Variants in EPB41L4B observed in about 807,000 individuals in gnomAD.
EPB41L4B encodes the protein band 4.1-like protein 4B.
In EPB41L4B, 30 loss-of-function variants were observed where a neutral mutation model predicts 112.5. That is an observed-to-expected ratio of 0.27 (90% confidence interval 0.20 to 0.36). The LOEUF is 0.36. EPB41L4B is among the 10% of genes least tolerant of loss of function. EPB41L4B has a pLI of 1.00. For missense variants in EPB41L4B, 1,024 were observed against 1,133.3 expected (o/e 0.90, Z 1.38); for synonymous variants, 408 against 439.7 (o/e 0.93, Z 0.90).
In EPB41L4B at chr9:109,203,746, T is replaced by C; in HGVS notation, c.1879-16A>G. 6.2e-7 allele frequency: 1 copy of C among 1,608,532 alleles called. No individual in the cohort carries two copies. Among genetic ancestry groups the C allele is most frequent in the South Asian group, 1.1e-5 (1 of 90,848 alleles). On this transcript the variant is annotated splice_polypyrimidine_tract_variant and intron_variant, in intron 18 of 25. Transcript: ENST00000374566. ...CCTTTCCACCCTGTTAAAGAAAGCA[T>C]TCAGGTTAGTCAAAACTGAATATGT...
At chr9:109,256,368 T>C in intron 8 of EPB41L4B, 25 bp downstream of exon 8, 2 of 1,609,200 alleles carry the variant, frequency 1.2e-6, no homozygotes, top group Non-Finnish European at 1.7e-6. Context: ...CAAAACCAAA[T>C]TACTTAAACG....
Position 109,273,352 on chromosome 9 carries a change from T to C in EPB41L4B, c.412-4919A>G, listed in dbSNP as rs139133184. Among the ~76,000 whole-genome samples, 1,145 of 152,200 alleles carry C rather than the reference T, an allele frequency of 7.5e-3. 12 individuals are homozygous for C. The highest frequency in any genetic ancestry group is 0.026 in the African/African-American group (1,091 of 41,522). On this transcript the variant is annotated intron_variant, in intron 2 of 25. Coordinates refer to ENST00000374566, the MANE Select transcript of EPB41L4B (RefSeq NM_019114.5). ...ACCTCTGCCTCCTGGGTTCAAGTGA[T>C]TCTCCTGCCTCGGCCTCCCGAGTAG...
At position 109,251,557 on chromosome 9, in the gene EPB41L4B, CG is replaced by C. The variant is rs751129061; in HGVS notation, c.1280-47del. 1.9e-6 allele frequency: 3 copies of C among 1,567,864 alleles called. No homozygotes were observed. In the East Asian group the frequency reaches 6.7e-5, roughly 35 times the overall value. ...GTTATGACATCTTAGAGAACTTTAT[CG>C]CTTTCACCATGCAATGACAGATAAT... is the stretch of plus-strand genomic sequence containing the variant. On this transcript the variant is annotated intron_variant, in intron 12 of 25. Transcript: ENST00000374566.
rs370417079 is a variant in EPB41L4B at position 109,218,415 on chromosome 9, C to T, written c.1410-1270G>A. Among the ~76,000 whole-genome samples, 6 of 152,158 alleles carry T rather than the reference C, an allele frequency of 3.9e-5. No homozygotes were observed. The South Asian group carries it at 6.2e-4, about 16-fold the overall frequency. On this transcript the variant is annotated intron_variant, in intron 15 of 25. Transcript: ENST00000374566. ...TGCTGGGATTACAGGCATGAACCAC[C>T]GCACCCAGCCTAACACTAATAATTC... is the stretch of plus-strand genomic sequence containing the variant.
At chr9:109,265,059 CTCTT>C (rs1564304727) in intron 4 of EPB41L4B, 35 bp from the exon 5 acceptor site, 1 of 1,580,710 alleles carries the variant, frequency 6.3e-7, no homozygotes. Context: ...CAGAGGGTAA[CTCTT>C]TCCCAGCTGC....
intron 15 of EPB41L4B, among the ~76,000 whole-genome samples, chr9:109,236,149 G>T (rs980044557): frequency 6.6e-6 from 1 of 152,168 alleles, no homozygotes; most frequent in African/African-American, 2.4e-5. Flanking sequence ...TGCTTAGACT[G>T]GTGTATACAC....
In EPB41L4B at chr9:109,174,336, T is replaced by A. The variant is rs1202011389; in HGVS notation, c.*218A>T. 1.4e-5 allele frequency: 7 copies of A among 488,870 alleles called. No homozygotes were observed. The highest frequency in any genetic ancestry group is 2.2e-5 in the Non-Finnish European group (6 of 270,718). The allele number at this position is 488,870 out of a possible 1,614,324, so 30.3% of individuals were successfully genotyped here. A position where few individuals can be genotyped will look rare whatever the true frequency, so the allele number is the denominator to read the frequency against. On this transcript the variant is annotated 3_prime_UTR_variant, in exon 26 of 26. Coordinates refer to ENST00000374566, the MANE Select transcript of EPB41L4B (RefSeq NM_019114.5). ...CTTTTCCTAGACTTATCAAATCCTG[T>A]CTCAACTACATAGAGTAATAGAAAA...
intron 15 of EPB41L4B, among the ~76,000 whole-genome samples, chr9:109,225,669 C>T (rs1833737497): frequency 6.6e-6 from 1 of 152,210 alleles, no homozygotes; most frequent in African/African-American, 2.4e-5. Context: ...CAAACCATAT[C>T]AGCCTTCAAG....
intron 15 of EPB41L4B, among the ~76,000 whole-genome samples, chr9:109,228,327 T>C (rs1475777022): frequency 6.6e-6 from 1 of 152,196 alleles, no homozygotes; most frequent in African/African-American, 2.4e-5. Context: ...TTCTCAAACT[T>C]TCCTCAGTAT....
rs532213275 is a variant in EPB41L4B, at chr9:109,179,965, C to T, written c.2487+2764G>A. ...CCAAGTGCATCTGCCCTGTCACTGC[C>T]CTGCTCAAAGTCCCTCAAAGATTTC... On this transcript the variant is annotated intron_variant, in intron 24 of 25. Transcript: ENST00000374566. Among the ~76,000 whole-genome samples the T allele has an allele frequency of 2.0e-5, 3 of 152,288 alleles. No homozygotes were observed. In the East Asian group the frequency reaches 5.8e-4, roughly 29 times the overall value.
At chr9:109,313,600 T>A (rs1837504619) in intron 1 of EPB41L4B, among the ~76,000 whole-genome samples, 1 of 152,216 alleles carries the variant, frequency 6.6e-6, no homozygotes, top group Non-Finnish European at 1.5e-5. Context: ...ACCTTTAACC[T>A]GCCAGCAAGA....
chr9:109,320,217 GC>G lies in EPB41L4B; in HGVS notation c.229del (p.Ala77ProfsTer21). ...LTGGAAVHISAAGAAKATLYC... is the reference protein window; with the variant it reads ...LTGGAAVHISXAGAAKATLYC... ...GAGGGTGGCCTTGGCGGCGCCGGCG[GC>G]GGAGATGTGCACGGCCGCGCCGCCG... is the stretch of plus-strand genomic sequence containing the variant. On this transcript the variant is annotated frameshift_variant, in exon 1 of 26. Transcript: ENST00000374566. LOFTEE classifies it high-confidence loss of function. 7.0e-7 allele frequency: 1 copy of G among 1,421,532 alleles called. No homozygotes were observed. Among genetic ancestry groups the G allele is most frequent in the Non-Finnish European group, 9.2e-7 (1 of 1,082,780 alleles). 88.1% of individuals were successfully genotyped at this position (1,421,532 alleles called of 1,614,324 possible).
At position 109,216,909 on chromosome 9, in the gene EPB41L4B, C is replaced by T. The variant is rs755692822; in HGVS notation, c.1633+13G>A. On this transcript the variant is annotated intron_variant, in intron 16 of 25. Transcript: ENST00000374566. ...CCCCCTTCTCCTGCCTTGCCCCCTC[C>T]ACCCCTACTCACTTGTAAGGGACTT... 2 of 1,612,672 alleles carry T rather than the reference C, an allele frequency of 1.2e-6. No individual in the cohort carries two copies. Among genetic ancestry groups the T allele is most frequent in the South Asian group, 2.2e-5 (2 of 91,044 alleles).
chr9:109,308,355 C>A (rs534484387), intron 1 of EPB41L4B, among the ~76,000 whole-genome samples: 65 of 152,158 alleles, frequency 4.3e-4, no homozygotes, highest in African/African-American at 1.5e-3. Context: ...ACTAACTGTA[C>A]CTCAGGGGTG....
At chr9:109,179,116 G>A (rs751619065) in intron 24 of EPB41L4B, among the ~76,000 whole-genome samples, 1 of 152,148 alleles carries the variant, frequency 6.6e-6, no homozygotes, top group African/African-American at 2.4e-5. Context: ...CAGAAATCTG[G>A]CCAGAGCCAG....
chr9:109,201,471 A>G (rs1327422881), intron 19 of EPB41L4B, among the ~76,000 whole-genome samples: 6 of 151,924 alleles, frequency 3.9e-5, no homozygotes, highest in Non-Finnish European at 7.4e-5. Context: ...AAAAAGAAAA[A>G]AAAAGTATGT....
At chr9:109,282,082 T>C (rs779245332) in intron 1 of EPB41L4B, among the ~76,000 whole-genome samples, 2 of 152,194 alleles carry the variant, frequency 1.3e-5, no homozygotes, top group Non-Finnish European at 2.9e-5. Flanking sequence ...AGTGCTGATA[T>C]GTGCTTCCAC....
At position 109,249,488 on chromosome 9, in the gene EPB41L4B, C is replaced by CT. The variant is rs200683848; in HGVS notation, c.1311-1700dup. On this transcript the variant is annotated intron_variant, in intron 13 of 25. Coordinates refer to ENST00000374566, the MANE Select transcript of EPB41L4B (RefSeq NM_019114.5). ...TTCCTAAAGGGTATATTTATCAGGG[C>CT]TTTTTTTTTTGGGCAGAATTTTTTT... 7.9e-4 allele frequency among the ~76,000 whole-genome samples: 110 copies of CT among 139,904 alleles called. 1 individual carries two copies. In the East Asian group the frequency reaches 0.019, roughly 24 times the overall value. The allele number at this position is 139,904 out of a possible 152,430, so 91.8% of individuals were successfully genotyped here.
At chr9:109,302,400 G>T (rs1331008907) in intron 1 of EPB41L4B, among the ~76,000 whole-genome samples, 1 of 152,162 alleles carries the variant, frequency 6.6e-6, no homozygotes, top group African/African-American at 2.4e-5. Context: ...TATTGGATTA[G>T]GGCCTGCCCT....
Sources: gnomAD v4.1 joint callset for allele counts (sites outside exome capture counted in the v4.1 genomes callset) on GRCh38, gnomAD v4.1.1 for gene constraint, MANE v1.5 for transcripts, NCBI Gene and HGNC (gene_info 2026-07-23, HGNC 2026-07-21) for gene names.